PHF10: variants seen among roughly 807,000 people sequenced by gnomAD.
PHF10 encodes the protein BRG1-associated factor 45a.
A neutral mutation model predicts 68.5 loss-of-function variants in PHF10; 51 were observed. That is an observed-to-expected ratio of 0.74 (90% CI 0.59 to 0.94). The LOEUF (loss-of-function observed/expected upper bound fraction) is 0.94, where lower values mean the gene tolerates loss of function less well. Ranked by LOEUF, PHF10 falls within the 40% of genes least tolerant of loss-of-function variation. The pLI is 0.00. For missense variants in PHF10, 460 were observed against 602.6 expected (o/e 0.76, Z 2.48); for synonymous variants, 204 against 203.5 (o/e 1.00, Z -0.02).
At chr6:169,723,013 C>T (rs990729530) in intron 1 of PHF10, among the ~76,000 whole-genome samples, 1 of 152,282 alleles carries the variant, frequency 6.6e-6, no homozygotes, top group East Asian at 1.9e-4. Context: ...GGTGGACGTG[C>T]GCAACGGGAA....
At position 169,723,829 on chromosome 6, in the gene PHF10, C is replaced by T; in HGVS notation, c.87+16G>A. On this transcript the variant is annotated intron_variant, in intron 1 of 11. Coordinates refer to ENST00000339209, the MANE Select transcript of PHF10 (RefSeq NM_018288.4). ...GGGACGGGGTCAGGGTCGGGTCGCA[C>T]CGGCCGCTTCCTCACCTTCGGGGAC... 1 of 987,742 alleles carries T rather than the reference C, an allele frequency of 1.0e-6. No homozygotes were observed. The highest frequency in any genetic ancestry group is 1.3e-6 in the Non-Finnish European group (1 of 794,170). The allele number at this position is 987,742 out of a possible 1,614,324, so 61.2% of individuals were successfully genotyped here. A position where few individuals can be genotyped will look rare whatever the true frequency, so the allele number is the denominator to read the frequency against.
intron 11 of PHF10, chr6:169,704,378 A>G (rs1788697817): frequency 2.8e-6 from 1 of 359,666 alleles, no homozygotes; most frequent in Non-Finnish European, 5.2e-6. Context: ...AAACACTATC[A>G]TACTTCAAAA....
intron 10 of PHF10, 66 bp downstream of exon 10, chr6:169,705,550 T>C (rs994843417): frequency 1.1e-6 from 1 of 931,304 alleles, no homozygotes; most frequent in African/African-American, 1.6e-5. Context: ...CCTGAAACTA[T>C]AAATTCTAGT....
Position 169,704,240 on chromosome 6 carries a change from A to G in PHF10, c.1412-152T>C, listed in dbSNP as rs938229945. On this transcript the variant is annotated intron_variant, in intron 11 of 11. Transcript: ENST00000339209. ...GCACTATGAGTTCCTTAATTTAAGG[A>G]AAAAATGTAAACTTAATCAATGTAA... The G allele has an allele frequency of 2.9e-5, 16 of 560,520 alleles. No homozygotes were observed. In the African/African-American group the frequency reaches 3.2e-4, roughly 11 times the overall value. 34.7% of individuals were successfully genotyped at this position (560,520 alleles called of 1,614,324 possible). A position where few individuals can be genotyped will look rare whatever the true frequency, so the allele number is the denominator to read the frequency against.
At position 169,721,123 on chromosome 6, in the gene PHF10, A is replaced by G. The variant is rs998700124; in HGVS notation, c.88-12T>C. 4.6e-6 allele frequency: 6 copies of G among 1,309,814 alleles called. No individual in the cohort carries two copies. The highest frequency in any genetic ancestry group is 4.1e-5 in the Admixed American group (2 of 49,078). 81.1% of individuals were successfully genotyped at this position (1,309,814 alleles called of 1,614,324 possible). ...TCTTCATTATCATCCTATACATTTA[A>G]AAGATTCAAAAATAATAATTAGAGA... is the stretch of plus-strand genomic sequence containing the variant. On this transcript the variant is annotated splice_polypyrimidine_tract_variant and intron_variant, in intron 1 of 11. Coordinates refer to ENST00000339209, the MANE Select transcript of PHF10 (RefSeq NM_018288.4).
intron 4 of PHF10, among the ~76,000 whole-genome samples, chr6:169,716,680 T>A (rs776042452): frequency 1.3e-5 from 2 of 152,162 alleles, no homozygotes; most frequent in Non-Finnish European, 2.9e-5. Context: ...ACGGACATAA[T>A]TATACAGAAC....
intron 9 of PHF10, chr6:169,707,911 C>T (rs1180954347): frequency 6.6e-6 from 1 of 152,104 alleles, no homozygotes; most frequent in Non-Finnish European, 1.5e-5. Flanking sequence ...AAGCATCTGC[C>T]CTCTCTAAGA....
At chr6:169,713,979 G>A (rs1393175241) in intron 7 of PHF10, among the ~76,000 whole-genome samples, 1 of 152,096 alleles carries the variant, frequency 6.6e-6, no homozygotes, top group African/African-American at 2.4e-5. Context: ...ATAATTAGCT[G>A]GGCGTGGTGG....
rs1216842519 is a variant in PHF10, at chr6:169,718,904, G to A, written c.209C>T (p.Pro70Leu). The A allele has an allele frequency of 1.3e-6, 2 of 1,581,484 alleles. No individual in the cohort carries two copies. The highest frequency in any genetic ancestry group is 1.7e-6 in the Non-Finnish European group (2 of 1,152,180). The change falls in exon 3 of 12, where the codon CCA (proline) becomes CTA (leucine). Residue 70 changes from proline (P) to leucine (L), a missense_variant. Physicochemically the swap from Pro to Leu is moderately conservative, Grantham distance 98. This residue lies in a region of PHF10 where 93 missense variants were observed against 82.4 expected (regional missense o/e 1.13). Coordinates refer to ENST00000339209, the MANE Select transcript of PHF10 (RefSeq NM_018288.4). Reference sequence around the variant, plus strand: ...TTTGTACTCTATCAAGTTTTCTGCTGGATAGTAACTAAAACTAAGTACAGA... The same window carrying A: ...TTTGTACTCTATCAAGTTTTCTGCTAGATAGTAACTAAAACTAAGTACAGA... The part of the protein sequence containing the change: ...SSQDLGFSYY[P>L]AENLIEYKWP...
rs759780201 is a variant in PHF10, at chr6:169,712,377, T to TGTTCTCACCGAAGTGCCTTTATTTTTCC, written c.938_957+8dup. On this transcript the variant is annotated intron_variant, in intron 8 of 11. Transcript: ENST00000339209. ...GGAAATGCTTCCTACTAGAGAGAAA[T>TGTTCTCACCGAAGTGCCTTTATTTTTCC]GTTCTCACCGAAGTGCCTTTATTTT... 1 of 1,611,932 alleles carries TGTTCTCACCGAAGTGCCTTTATTTTTCC rather than the reference T, an allele frequency of 6.2e-7. No individual in the cohort carries two copies. Among genetic ancestry groups the TGTTCTCACCGAAGTGCCTTTATTTTTCC allele is most frequent in the Admixed American group, 1.7e-5 (1 of 59,940 alleles).
chr6:169,717,768 G>C (rs1280566600), intron 4 of PHF10, 55 bp downstream of exon 4: 1 of 733,140 alleles, frequency 1.4e-6, no homozygotes, highest in Non-Finnish European at 2.4e-6. Flanking sequence ...TACTTATCTA[G>C]TATTATCTCA....
At chr6:169,719,390 A>T (rs1789125345) in intron 2 of PHF10, 2 of 153,806 alleles carry the variant, frequency 1.3e-5, no homozygotes, top group Middle Eastern at 6.7e-3. Flanking sequence ...TCATATCATA[A>T]ACCGTAACTG....
chr6:169,720,050 C>T (rs952037623), intron 2 of PHF10, among the ~76,000 whole-genome samples: 7 of 151,852 alleles, frequency 4.6e-5, no homozygotes, highest in Non-Finnish European at 1.0e-4. Flanking sequence ...AATGGCCAAG[C>T]AGATGAAAAG....
intron 3 of PHF10, 132 bp from the exon 4 acceptor site, chr6:169,718,038 CA>C: frequency 2.2e-6 from 1 of 457,866 alleles, no homozygotes; most frequent in Non-Finnish European, 3.9e-6. Context: ...AAAGGGGCTA[CA>C]AAAAAATTTA....
chr6:169,724,256 C>T lies in PHF10; in HGVS notation c.-325G>A, dbSNP rs1263007221. On this transcript the variant is annotated 5_prime_UTR_variant, in exon 1 of 12. Transcript: ENST00000339209. ...CACGTCAGCCCAACCCGCCCGGCCG[C>T]GGCCACCGCCTCAGCACCGTTGCCC... Among the ~76,000 whole-genome samples, 2 of 146,596 alleles carry T rather than the reference C, an allele frequency of 1.4e-5. No individual in the cohort carries two copies. The highest frequency in any genetic ancestry group is 3.0e-5 in the Non-Finnish European group (2 of 65,934).
chr6:169,716,177 G>A (rs566067047), intron 4 of PHF10, 89 bp from the exon 5 acceptor site: 116 of 752,668 alleles, frequency 1.5e-4, no homozygotes, highest in African/African-American at 1.2e-3. Context: ...TCTTCAAACC[G>A]CTCCACGTTG....
At chr6:169,712,663 A>G in intron 7 of PHF10, 124 bp from the exon 8 acceptor site, 1 of 689,408 alleles carries the variant, frequency 1.5e-6, no homozygotes. Context: ...AAACTAGAGT[A>G]CTAATTTTTC....
chr6:169,722,141 G>A (rs1289117943), intron 1 of PHF10, among the ~76,000 whole-genome samples: 1 of 152,144 alleles, frequency 6.6e-6, no homozygotes, highest in East Asian at 1.9e-4. Flanking sequence ...AAGGACTGGC[G>A]AGTTATCTGA....
intron 10 of PHF10, 100 bp from the exon 11 acceptor site, chr6:169,705,421 A>G (rs1218265773): frequency 3.6e-6 from 3 of 827,834 alleles, no homozygotes; most frequent in South Asian, 1.8e-5. Flanking sequence ...GAGAATGGCT[A>G]TAATGTCAAA....
Sources: allele counts gnomAD v4.1 joint callset (sites outside exome capture counted in the v4.1 genomes callset), GRCh38; gene constraint gnomAD v4.1.1; regional missense constraint gnomAD v4.1.1; transcripts MANE v1.5; gene names NCBI Gene and HGNC (gene_info 2026-07-23, HGNC 2026-07-21).